CFAP221: variants seen among roughly 807,000 people sequenced by gnomAD.
CFAP221 encodes the protein cilia- and flagella-associated protein 221.
CFAP221 carries 97 observed loss-of-function variants against 113.1 expected under a neutral mutation model. That is an observed-to-expected ratio of 0.86 (90% CI 0.73 to 1.02). The LOEUF is 1.02. CFAP221 is among the 50% of genes least tolerant of loss of function. CFAP221 has a pLI of 0.00. For synonymous variants in CFAP221, 331 were observed against 354.4 expected (o/e 0.93, Z 0.74); for missense variants, 1,025 against 1,013.4 (o/e 1.01, Z -0.16).
chr2:119,555,016 T>G (rs1259371298), intron 3 of CFAP221, among the ~76,000 whole-genome samples: 1 of 152,114 alleles, frequency 6.6e-6, no homozygotes, highest in Non-Finnish European at 1.5e-5. Context: ...AGGAGGAGAA[T>G]AGACTCCCCC....
chr2:119,570,507 A>G (rs941717687), intron 6 of CFAP221, among the ~76,000 whole-genome samples: 18 of 152,216 alleles, frequency 1.2e-4, no homozygotes, highest in Admixed American at 1.1e-3. Flanking sequence ...AAAAAAACCC[A>G]TACCAACACC....
At chr2:119,563,363 A>G (rs1274405048) in intron 6 of CFAP221, among the ~76,000 whole-genome samples, 1 of 152,186 alleles carries the variant, frequency 6.6e-6, no homozygotes, top group African/African-American at 2.4e-5. Context: ...GCTTTTTCAT[A>G]TATTTTTGAT....
At chr2:119,597,313 G>A (rs181596117) in intron 7 of CFAP221, among the ~76,000 whole-genome samples, 1 of 152,338 alleles carries the variant, frequency 6.6e-6, no homozygotes, top group African/African-American at 2.4e-5. Flanking sequence ...TGGTCCTGGG[G>A]CCTCTCTGTT....
intron 15 of CFAP221, among the ~76,000 whole-genome samples, chr2:119,625,995 T>C (rs1309701120): frequency 6.6e-6 from 1 of 152,136 alleles, no homozygotes; most frequent in Non-Finnish European, 1.5e-5. Context: ...ATCTCACAGT[T>C]CTGGAGGTCA....
At chr2:119,590,187 T>C (rs981049529) in intron 7 of CFAP221, 1 of 152,234 alleles carries the variant, frequency 6.6e-6, no homozygotes, top group Non-Finnish European at 1.5e-5. Flanking sequence ...AGAGTTCTTA[T>C]ATAAAGTTTC....
intron 19 of CFAP221, among the ~76,000 whole-genome samples, chr2:119,632,498 G>A (rs2104768944): frequency 6.6e-6 from 1 of 152,114 alleles, no homozygotes; most frequent in South Asian, 2.1e-4. Context: ...ACCAAATAAT[G>A]GTCATCTATT....
chr2:119,578,769 T>G (rs1682633140), intron 6 of CFAP221, among the ~76,000 whole-genome samples: 1 of 152,222 alleles, frequency 6.6e-6, no homozygotes, highest in Non-Finnish European at 1.5e-5. Context: ...AACCTTCTTT[T>G]TCCAGAAAAG....
At chr2:119,638,220 G>A in intron 19 of CFAP221, 39 bp from the exon 20 acceptor site, 1 of 1,608,088 alleles carries the variant, frequency 6.2e-7, no homozygotes, top group South Asian at 1.1e-5. Flanking sequence ...CTTAGAAACT[G>A]GTAAACAGAA....
At chr2:119,546,381 G>T in intron 2 of CFAP221, 111 bp downstream of exon 2, 1 of 1,220,038 alleles carries the variant, frequency 8.2e-7, no homozygotes, top group South Asian at 1.7e-5. Flanking sequence ...TCATTTTATA[G>T]GCTTATACTA....
intron 23 of CFAP221, among the ~76,000 whole-genome samples, chr2:119,653,226 C>G (rs1688232035): frequency 6.6e-6 from 1 of 151,244 alleles, no homozygotes; most frequent in African/African-American, 2.4e-5. Flanking sequence ...ACTAAAAATA[C>G]AAAAATTAGC....
In CFAP221 at chr2:119,611,669, C is replaced by T; in HGVS notation, c.1238C>T (p.Pro413Leu). 6.2e-7 allele frequency: 1 copy of T among 1,613,320 alleles called. No individual in the cohort carries two copies. Among genetic ancestry groups the T allele is most frequent in the Non-Finnish European group, 8.5e-7 (1 of 1,179,774 alleles). Residue 413 changes from proline (P) to leucine (L), a missense_variant, in exon 13 of 24, where the codon CCT becomes CTT. Physicochemically the swap from Pro to Leu is moderately conservative, Grantham distance 98. Coordinates refer to ENST00000413369, the MANE Select transcript of CFAP221 (RefSeq NM_001271049.2). ...CAKYKLDRGDPILDEEFQRLK... is the reference protein window; with the variant it reads ...CAKYKLDRGDLILDEEFQRLK... ...AAAACCCAGCTAGACAGAGGAGATCCTATTTTGGATGAGGAATTTCAGCGA... is the reference window on the plus strand; with the variant it reads ...AAAACCCAGCTAGACAGAGGAGATCTTATTTTGGATGAGGAATTTCAGCGA...
intron 7 of CFAP221, among the ~76,000 whole-genome samples, chr2:119,600,030 T>A (rs1039575948): frequency 3.3e-5 from 5 of 152,106 alleles, no homozygotes; most frequent in African/African-American, 1.2e-4. Flanking sequence ...GTGCGAGGCC[T>A]CTGCAGGGAC....
At chr2:119,650,746 A>G (rs1007995266) in intron 22 of CFAP221, among the ~76,000 whole-genome samples, 2 of 152,224 alleles carry the variant, frequency 1.3e-5, no homozygotes, top group African/African-American at 4.8e-5. Flanking sequence ...AATGTTTGCA[A>G]AGCGCCAGCA....
chr2:119,611,775 A>G, intron 13 of CFAP221, 33 bp downstream of exon 13: 1 of 1,501,160 alleles, frequency 6.7e-7, no homozygotes, highest in Non-Finnish European at 9.2e-7. Flanking sequence ...GAATCTGATT[A>G]TTGGCAGCTC....
intron 19 of CFAP221, among the ~76,000 whole-genome samples, chr2:119,635,264 G>A (rs1687044119): frequency 6.6e-6 from 1 of 152,192 alleles, no homozygotes; most frequent in Non-Finnish European, 1.5e-5. Context: ...TACAAAGTTA[G>A]CAGTTAACAT....
At chr2:119,630,505 TGAG>T in intron 17 of CFAP221, 62 bp from the exon 18 acceptor site, 1 of 1,243,824 alleles carries the variant, frequency 8.0e-7, no homozygotes, top group Non-Finnish European at 1.2e-6. Context: ...ATGCTGTTGT[TGAG>T]AAGTAGATCC....
At chr2:119,593,258 T>C (rs1683719433) in intron 7 of CFAP221, among the ~76,000 whole-genome samples, 1 of 152,226 alleles carries the variant, frequency 6.6e-6, no homozygotes, top group Admixed American at 6.5e-5. Context: ...GTGTGGTGTA[T>C]ACATATGAGT....
At chr2:119,550,906 CT>C (rs1233762762) in intron 3 of CFAP221, among the ~76,000 whole-genome samples, 1 of 152,214 alleles carries the variant, frequency 6.6e-6, no homozygotes, top group Non-Finnish European at 1.5e-5. Flanking sequence ...TCCTTATCCC[CT>C]ATTCCCCTCC....
chr2:119,631,235 A>C (rs1393836587), intron 19 of CFAP221: 1 of 365,166 alleles, frequency 2.7e-6, no homozygotes, highest in Non-Finnish European at 4.0e-6. Context: ...AATCTGTGGG[A>C]AATTAACAGC....
Sources: allele counts gnomAD v4.1 joint callset (sites outside exome capture counted in the v4.1 genomes callset), GRCh38; gene constraint gnomAD v4.1.1; transcripts MANE v1.5; gene names NCBI Gene and HGNC (gene_info 2026-07-23, HGNC 2026-07-21).